The following KLHL29 variants were observed in gnomAD, a reference collection of about 807,000 sequenced individuals.
The protein encoded by KLHL29 is kelch like family member 29.
Under a neutral mutation model 80.4 loss-of-function variants are expected in KLHL29, and 21 were observed. The observed-to-expected ratio is 0.26, with a 90% CI of 0.19 to 0.38. The LOEUF (loss-of-function observed/expected upper bound fraction) is 0.38. Among genes scored for constraint, KLHL29 ranks in the 10% least tolerant of loss-of-function variants. KLHL29 has a pLI of 1.00. For synonymous variants in KLHL29, 511 were observed against 526.8 expected (o/e 0.97, Z 0.41); for missense variants, 867 against 1,223.9 (o/e 0.71, Z 4.35).
At chr2:23,428,186 G>A (rs1198419739) in intron 1 of KLHL29, among the ~76,000 whole-genome samples, 2 of 152,212 alleles carry the variant, frequency 1.3e-5, no homozygotes, top group African/African-American at 2.4e-5. Flanking sequence ...GACCGTGTCC[G>A]CAGAAGGCCT....
At chr2:23,404,502 C>T (rs1438669096) in intron 1 of KLHL29, among the ~76,000 whole-genome samples, 2 of 152,200 alleles carry the variant, frequency 1.3e-5, no homozygotes, top group African/African-American at 2.4e-5. Flanking sequence ...TGAAGGAATT[C>T]TCTGGAATAA....
At chr2:23,608,402 C>A (rs1028682103) in intron 3 of KLHL29, among the ~76,000 whole-genome samples, 1 of 151,606 alleles carries the variant, frequency 6.6e-6, no homozygotes, top group East Asian at 1.9e-4. Flanking sequence ...GTTCATCCTT[C>A]TTCCCCTACA....
At chr2:23,449,560 C>T (rs1283147866) in intron 1 of KLHL29, among the ~76,000 whole-genome samples, 1 of 152,154 alleles carries the variant, frequency 6.6e-6, no homozygotes, top group African/African-American at 2.4e-5. Context: ...GCTGGTTTCT[C>T]ATCCTCCAAT....
chr2:23,529,536 T>C (rs1226793509), intron 2 of KLHL29, among the ~76,000 whole-genome samples: 1 of 152,208 alleles, frequency 6.6e-6, no homozygotes, highest in Non-Finnish European at 1.5e-5. Context: ...ATGGTTTTTC[T>C]TATTTTGCTT....
chr2:23,566,249 T>A (rs548278282), intron 3 of KLHL29, among the ~76,000 whole-genome samples: 2 of 152,206 alleles, frequency 1.3e-5, no homozygotes, highest in South Asian at 4.2e-4. Flanking sequence ...CAACACACAC[T>A]CATGGCTCAG....
At chr2:23,524,024 T>C (rs1666198561) in intron 2 of KLHL29, 1 of 471,630 alleles carries the variant, frequency 2.1e-6, no homozygotes, top group Non-Finnish European at 4.4e-6. Context: ...GTCATGTGAA[T>C]GAGTTTTTTT....
intron 2 of KLHL29, among the ~76,000 whole-genome samples, chr2:23,555,530 C>T (rs1667265488): frequency 6.6e-6 from 1 of 152,232 alleles, no homozygotes; most frequent in African/African-American, 2.4e-5. Flanking sequence ...GATTTGGCCC[C>T]ATGTGCCAAC....
Position 23,642,730 on chromosome 2 carries a change from C to T in KLHL29, c.820C>T (p.Leu274Phe), listed in dbSNP as rs926188161. 3.7e-5 allele frequency: 57 copies of T among 1,549,464 alleles called. No individual in the cohort carries two copies. The highest frequency in any genetic ancestry group is 4.8e-5 in the South Asian group (4 of 84,008). ...GCCGCCAGCCCAGCCGTCCGCCACTCTCCCCAGTGGTGCCCCTGCCACCAA... is the reference window on the plus strand; with the variant it reads ...GCCGCCAGCCCAGCCGTCCGCCACTTTCCCCAGTGGTGCCCCTGCCACCAA... ...PPPPAQPSAT[L>F]PSGAPATNGP... Residue 274 changes from leucine (L) to phenylalanine (F), a missense_variant, in exon 5 of 14, where the codon CTC becomes TTC. Physicochemically the swap from Leu to Phe is conservative, Grantham distance 22. Around this residue, in one of 2 missense-constraint regions of KLHL29, gnomAD observed 424 missense variants for 456.9 expected, o/e 0.93. Transcript: ENST00000486442.
At chr2:23,592,509 T>C (rs1365055705) in intron 3 of KLHL29, among the ~76,000 whole-genome samples, 1 of 152,214 alleles carries the variant, frequency 6.6e-6, no homozygotes, top group African/African-American at 2.4e-5. Context: ...AGGGTCCACA[T>C]GGCCGCAGGC....
At chr2:23,611,139 C>G (rs1668861345) in intron 3 of KLHL29, among the ~76,000 whole-genome samples, 1 of 152,150 alleles carries the variant, frequency 6.6e-6, no homozygotes, top group Admixed American at 6.5e-5. Context: ...GTCTAATAAC[C>G]ATTGTCTTGA....
intron 3 of KLHL29, among the ~76,000 whole-genome samples, chr2:23,604,709 A>G (rs1668660514): frequency 6.6e-6 from 1 of 152,178 alleles, no homozygotes; most frequent in Non-Finnish European, 1.5e-5. Context: ...AGATCTGAGC[A>G]AGAGGCAGGG....
chr2:23,412,122 A>AGGC (rs368523983), intron 1 of KLHL29, among the ~76,000 whole-genome samples: 6 of 118,720 alleles, frequency 5.1e-5, no homozygotes, highest in African/African-American at 2.0e-4. Context: ...GTGTGCGTGA[A>AGGC]GGGGGGGGGG....
chr2:23,569,538 A>G (rs1014189235), intron 3 of KLHL29, among the ~76,000 whole-genome samples: 1 of 152,204 alleles, frequency 6.6e-6, no homozygotes, highest in African/African-American at 2.4e-5. Flanking sequence ...CCCTTGAGAA[A>G]GGACAGTATT....
At chr2:23,703,052 C>A in intron 11 of KLHL29, 134 bp from the exon 12 acceptor site, 1 of 575,844 alleles carries the variant, frequency 1.7e-6, no homozygotes, top group Non-Finnish European at 2.8e-6. Context: ...GTGCCCCCCA[C>A]TGCTGGTGTG....
chr2:23,481,712 T>C (rs892383367), intron 2 of KLHL29, among the ~76,000 whole-genome samples: 17 of 152,240 alleles, frequency 1.1e-4, no homozygotes, highest in African/African-American at 3.9e-4. Context: ...GGTCAGGAGT[T>C]CGAGACCAGC....
At chr2:23,462,825 T>G (rs1339754080) in intron 1 of KLHL29, among the ~76,000 whole-genome samples, 1 of 152,194 alleles carries the variant, frequency 6.6e-6, no homozygotes, top group Non-Finnish European at 1.5e-5. Flanking sequence ...GTTTCAAATG[T>G]TAAAAATTAC....
Position 23,609,872 on chromosome 2 carries a change from G to T in KLHL29, c.286-29267G>T, listed in dbSNP as rs184814319. ...ACTACACTAATCTAAGTAGCAAATG[G>T]GAATCAGACTCCTGTTTGGATGTGA... On this transcript the variant is annotated intron_variant, in intron 3 of 13. Coordinates refer to ENST00000486442, the MANE Select transcript of KLHL29 (RefSeq NM_052920.2). 5.3e-5 allele frequency among the ~76,000 whole-genome samples: 8 copies of T among 152,208 alleles called. No homozygotes were observed. In the East Asian group the frequency reaches 1.5e-3, roughly 29 times the overall value.
intron 2 of KLHL29, among the ~76,000 whole-genome samples, chr2:23,507,669 C>T (rs1665643519): frequency 6.6e-6 from 1 of 152,200 alleles, no homozygotes; most frequent in Admixed American, 6.5e-5. Context: ...ATGTGCATCT[C>T]TGGGAGCAGT....
intron 1 of KLHL29, among the ~76,000 whole-genome samples, chr2:23,412,122 A>AGGGGGGGGGGGGGGGG (rs33951812): frequency 8.4e-6 from 1 of 118,620 alleles, no homozygotes; most frequent in Admixed American, 8.5e-5. Flanking sequence ...GTGTGCGTGA[A>AGGGGGGGGGGGGGGGG]GGGGGGGGGG....
Sources: gnomAD v4.1 joint callset for allele counts (sites outside exome capture counted in the v4.1 genomes callset) on GRCh38, gnomAD v4.1.1 for gene constraint, gnomAD v4.1.1 regional missense constraint, MANE v1.5 for transcripts, NCBI Gene and HGNC (gene_info 2026-07-23, HGNC 2026-07-21) for gene names.